GAS7: variants seen among roughly 807,000 people sequenced by gnomAD.
The protein encoded by GAS7 is growth arrest specific 7.
Under a neutral mutation model 71.1 loss-of-function variants are expected in GAS7, and 28 were observed. The ratio of observed to expected loss-of-function variants is 0.39; its 90% CI spans 0.29 to 0.54. The LOEUF is 0.54. GAS7 is among the 20% of genes least tolerant of loss of function. The pLI is 0.62. For synonymous variants in GAS7, 258 were observed against 245.8 expected (o/e 1.05, Z -0.46); for missense variants, 436 against 627.8 (o/e 0.69, Z 3.27).
chr17:10,050,672 G>A (rs570933199), intron 1 of GAS7, among the ~76,000 whole-genome samples: 7 of 152,298 alleles, frequency 4.6e-5, no homozygotes, highest in South Asian at 4.1e-4. Flanking sequence ...GCTACTTCCC[G>A]TCTGTTAGCA....
intron 8 of GAS7, among the ~76,000 whole-genome samples, chr17:9,938,534 A>G (rs1247605463): frequency 6.0e-5 from 9 of 150,472 alleles, no homozygotes; most frequent in Admixed American, 5.3e-4. Context: ...CTCTGAGCAC[A>G]CACCAAGGAA....
chr17:10,065,555 T>C (rs948190601), intron 1 of GAS7, among the ~76,000 whole-genome samples: 2 of 152,214 alleles, frequency 1.3e-5, no homozygotes, highest in African/African-American at 4.8e-5. Flanking sequence ...TTGTCTTCTA[T>C]CTACAGTCAA....
chr17:10,140,831 A>G (rs2074074260), intron 1 of GAS7, among the ~76,000 whole-genome samples: 1 of 152,206 alleles, frequency 6.6e-6, no homozygotes, highest in Non-Finnish European at 1.5e-5. Flanking sequence ...CTGCCCCTCT[A>G]GGCTAACAGA....
chr17:10,171,337 C>T (rs1597833666), intron 1 of GAS7, among the ~76,000 whole-genome samples: 1 of 152,184 alleles, frequency 6.6e-6, no homozygotes, highest in Admixed American at 6.5e-5. Flanking sequence ...TGACAGCGAA[C>T]CCAGAACCCC....
At chr17:9,976,017 T>C (rs1310834963) in intron 3 of GAS7, among the ~76,000 whole-genome samples, 2 of 152,242 alleles carry the variant, frequency 1.3e-5, no homozygotes, top group Non-Finnish European at 2.9e-5. Context: ...TTGGTCACCA[T>C]GCTCACCTTC....
chr17:10,150,085 A>G (rs554199209), intron 1 of GAS7, among the ~76,000 whole-genome samples: 1 of 152,328 alleles, frequency 6.6e-6, no homozygotes, highest in Admixed American at 6.5e-5. Context: ...TGTATACTGT[A>G]GAGAGCTGAG....
intron 1 of GAS7, among the ~76,000 whole-genome samples, chr17:10,185,693 G>C (rs1356775302): frequency 6.6e-6 from 1 of 152,156 alleles, no homozygotes; most frequent in East Asian, 1.9e-4. Flanking sequence ...ACTCTTGTGG[G>C]ACTGCGCTCT....
Position 9,919,539 on chromosome 17 carries a change from C to G in GAS7, c.1218+87G>C, listed in dbSNP as rs1435943400. 1.1e-6 allele frequency: 1 copy of G among 938,768 alleles called. No homozygotes were observed. Among genetic ancestry groups the G allele is most frequent in the East Asian group, 2.4e-5 (1 of 41,924 alleles). 58.2% of individuals were successfully genotyped at this position (938,768 alleles called of 1,614,324 possible). ...GACCATCTCCAGGGTCACTCCACCCCATCATCCCCGCGCCCACCAACAACC... is the reference window on the plus strand; with the variant it reads ...GACCATCTCCAGGGTCACTCCACCCGATCATCCCCGCGCCCACCAACAACC... On this transcript the variant is annotated intron_variant, in intron 12 of 13. Coordinates refer to ENST00000432992, the MANE Select transcript of GAS7 (RefSeq NM_201433.2). This position sits in a 1 kb window ranked among gnomAD's most constrained non-coding sequence, Gnocchi z 5.0.
chr17:10,100,781 A>G (rs147593416), intron 1 of GAS7, among the ~76,000 whole-genome samples: 3 of 152,320 alleles, frequency 2.0e-5, no homozygotes, highest in East Asian at 1.9e-4. Flanking sequence ...TTAGAGTCAG[A>G]AAGATTCTAA....
chr17:10,184,216 C>A (rs1330678926), intron 1 of GAS7, among the ~76,000 whole-genome samples: 1 of 152,156 alleles, frequency 6.6e-6, no homozygotes, highest in Non-Finnish European at 1.5e-5. Flanking sequence ...CCAGACCCTG[C>A]CCCCCAGCCT....
chr17:10,151,156 T>A (rs1051338891), intron 1 of GAS7, among the ~76,000 whole-genome samples: 2 of 152,124 alleles, frequency 1.3e-5, no homozygotes, highest in Non-Finnish European at 2.9e-5. Flanking sequence ...ATGTCAGACT[T>A]CTTCTTTTTT....
chr17:10,142,745 T>C (rs778979417), intron 1 of GAS7, among the ~76,000 whole-genome samples: 5 of 152,146 alleles, frequency 3.3e-5, no homozygotes, highest in Admixed American at 2.0e-4. Context: ...GTATCCCCAA[T>C]ATATTTCAAA....
chr17:9,968,740 T>C (rs886258697), intron 4 of GAS7, among the ~76,000 whole-genome samples: 4 of 152,214 alleles, frequency 2.6e-5, no homozygotes, highest in Non-Finnish European at 4.4e-5. Flanking sequence ...TTTTTCCTTA[T>C]GTTAAGTATA....
chr17:9,982,788 AGAAAGAAAGGAAAGAAAG>A (rs1265610483), intron 2 of GAS7, among the ~76,000 whole-genome samples: 2 of 117,624 alleles, frequency 1.7e-5, no homozygotes, highest in South Asian at 2.5e-4. Flanking sequence ...AAAAAAAGAA[AGAAAGAAAGGAAAGAAAG>A]GAAAGAAAGG....
intron 1 of GAS7, among the ~76,000 whole-genome samples, chr17:10,118,077 C>T (rs977309074): frequency 1.2e-4 from 19 of 152,072 alleles, no homozygotes; most frequent in Non-Finnish European, 2.6e-4. Flanking sequence ...CACTTTTCCC[C>T]GAGGGTAACA....
chr17:10,017,228 C>G (rs1031655370), intron 2 of GAS7, among the ~76,000 whole-genome samples: 5 of 152,104 alleles, frequency 3.3e-5, no homozygotes, highest in African/African-American at 1.2e-4. Flanking sequence ...AACAGACAGC[C>G]TGAAGCAGGG....
In GAS7 at chr17:9,926,522, C is replaced by T; in HGVS notation, c.1014+119G>A. 2 of 1,097,558 alleles carry T rather than the reference C, an allele frequency of 1.8e-6. No individual in the cohort carries two copies. Among genetic ancestry groups the T allele is most frequent in the Non-Finnish European group, 2.7e-6 (2 of 745,144 alleles). The allele number at this position is 1,097,558 out of a possible 1,614,324, so 68.0% of individuals were successfully genotyped here. ...ACGAGGCTTGGACATCCCCCTATTCCCCTACCTGGGGACAAAGACTCAGCC... is the reference window on the plus strand; with the variant it reads ...ACGAGGCTTGGACATCCCCCTATTCTCCTACCTGGGGACAAAGACTCAGCC... On this transcript the variant is annotated intron_variant, in intron 10 of 13. Coordinates refer to ENST00000432992, the MANE Select transcript of GAS7 (RefSeq NM_201433.2). The surrounding 1 kb of genome is among the most constrained non-coding windows in gnomAD (Gnocchi z 5.0).
intron 11 of GAS7, among the ~76,000 whole-genome samples, chr17:9,923,094 A>T (rs911888925): frequency 1.3e-5 from 2 of 152,216 alleles, no homozygotes; most frequent in Admixed American, 1.3e-4. Flanking sequence ...TTTTTAGTAG[A>T]GACGAGGTTT....
intron 1 of GAS7, among the ~76,000 whole-genome samples, chr17:10,187,498 C>G (rs60319350): frequency 2.2e-4 from 33 of 152,318 alleles, no homozygotes; most frequent in African/African-American, 7.9e-4. Flanking sequence ...TTACTTAACT[C>G]AGTTACTCGC....
Sources: allele counts gnomAD v4.1 joint callset (sites outside exome capture counted in the v4.1 genomes callset), GRCh38; gene constraint gnomAD v4.1.1; non-coding constraint Gnocchi (gnomAD v3.1); transcripts MANE v1.5; gene names NCBI Gene and HGNC (gene_info 2026-07-23, HGNC 2026-07-21).